The following NPAS3 variants were observed in gnomAD, a reference collection of about 807,000 sequenced individuals.
The protein encoded by NPAS3 is neuronal PAS domain-containing protein 3.
In NPAS3, 14 loss-of-function variants were observed where a neutral mutation model predicts 73.1. The ratio of observed to expected loss-of-function variants is 0.19; its 90% CI spans 0.13 to 0.30. NPAS3 has a LOEUF of 0.30. Among genes scored for constraint, NPAS3 ranks in the 10% least tolerant of loss-of-function variants. NPAS3 has a pLI of 1.00. For synonymous variants in NPAS3, 620 were observed against 541.5 expected (o/e 1.14, Z -2.01); for missense variants, 1,096 against 1,250.0 (o/e 0.88, Z 1.86).
chr14:33,293,003 G>T (rs1407148134), intron 3 of NPAS3, among the ~76,000 whole-genome samples: 1 of 152,128 alleles, frequency 6.6e-6, no homozygotes, highest in East Asian at 1.9e-4. Context: ...TGTTAAATGA[G>T]TGTTTGGATT....
intron 5 of NPAS3, chr14:33,578,441 G>T (rs939084022): frequency 2.9e-6 from 1 of 343,636 alleles, no homozygotes. Flanking sequence ...TGATCTGCCC[G>T]CCTCAGCCTC....
At chr14:33,021,043 C>A (rs1000002420) in intron 1 of NPAS3, among the ~76,000 whole-genome samples, 1 of 152,160 alleles carries the variant, frequency 6.6e-6, no homozygotes, top group Non-Finnish European at 1.5e-5. Context: ...GCATTACAGG[C>A]GTGAGCCACT....
chr14:33,674,567 C>T (rs746412130), intron 5 of NPAS3, among the ~76,000 whole-genome samples: 2 of 152,150 alleles, frequency 1.3e-5, no homozygotes, highest in Admixed American at 6.5e-5. Context: ...TGTAATCCCC[C>T]CCTCCCAGAG....
intron 6 of NPAS3, among the ~76,000 whole-genome samples, chr14:33,703,185 TTA>T (rs1343309121): frequency 1.3e-5 from 2 of 152,138 alleles, no homozygotes; most frequent in Non-Finnish European, 2.9e-5. Flanking sequence ...ATGAATAGCG[TTA>T]TGATATTAAA....
intron 5 of NPAS3, chr14:33,586,083 G>A (rs924659774): frequency 1.3e-4 from 19 of 151,908 alleles, no homozygotes; most frequent in African/African-American, 3.9e-4. Context: ...TATCTGTTAA[G>A]AGACAATCAT....
chr14:33,261,974 C>A (rs2048992271), intron 3 of NPAS3, among the ~76,000 whole-genome samples: 1 of 152,276 alleles, frequency 6.6e-6, no homozygotes, highest in East Asian at 1.9e-4. Flanking sequence ...GCAGGAGGTA[C>A]AGCTCATCTA....
intron 4 of NPAS3, among the ~76,000 whole-genome samples, chr14:33,441,995 A>G (rs7150516): frequency 0.1 from 15,562 of 152,222 alleles, 1,658 homozygotes; most frequent in African/African-American, 0.27. Context: ...TGGTGGGGAC[A>G]CAGCCAAACC....
chr14:33,094,886 G>C (rs1372076294), intron 2 of NPAS3, among the ~76,000 whole-genome samples: 1 of 152,174 alleles, frequency 6.6e-6, no homozygotes, highest in African/African-American at 2.4e-5. Context: ...AAATCTTGGT[G>C]CTTCCATGTT....
In NPAS3 at chr14:33,522,007, C is replaced by T. The variant is rs191728074; in HGVS notation, c.469-38114C>T. On this transcript the variant is annotated intron_variant, in intron 4 of 11. Transcript: ENST00000356141. ...GGAAGCCTCTTGCTGCATTTCTGGA[C>T]GGGTTACTCTTGTAGAAGGTTTATT... is the stretch of plus-strand genomic sequence containing the variant. Among the ~76,000 whole-genome samples the T allele has an allele frequency of 1.6e-3, 237 of 152,140 alleles. 2 individuals are homozygous for T. Among genetic ancestry groups the T allele is most frequent in the African/African-American group, 5.2e-3 (215 of 41,514 alleles).
intron 2 of NPAS3, among the ~76,000 whole-genome samples, chr14:33,119,677 A>G (rs2043172238): frequency 6.6e-6 from 1 of 152,096 alleles, no homozygotes; most frequent in African/African-American, 2.4e-5. Flanking sequence ...AAAATGATGA[A>G]AGGAAAACTT....
At chr14:33,695,081 A>C (rs1022233563) in intron 6 of NPAS3, among the ~76,000 whole-genome samples, 10 of 152,192 alleles carry the variant, frequency 6.6e-5, no homozygotes, top group Non-Finnish European at 1.2e-4. Context: ...ACAAAAGGTT[A>C]CTTCTTGTCC....
intron 5 of NPAS3, among the ~76,000 whole-genome samples, chr14:33,632,318 G>A (rs982988785): frequency 6.6e-6 from 1 of 152,138 alleles, no homozygotes; most frequent in Admixed American, 6.5e-5. Context: ...GGATGTCTGG[G>A]TTGGGGCCTG....
chr14:33,121,287 C>G (rs955461119), intron 2 of NPAS3, among the ~76,000 whole-genome samples: 3 of 152,158 alleles, frequency 2.0e-5, no homozygotes. Context: ...ACTTGACGAA[C>G]CAGTTCCTAC....
At chr14:33,076,301 G>C (rs2041656481) in intron 2 of NPAS3, among the ~76,000 whole-genome samples, 1 of 152,172 alleles carries the variant, frequency 6.6e-6, no homozygotes, top group African/African-American at 2.4e-5. Flanking sequence ...GCCACCTAGA[G>C]CCCTTGGGCA....
chr14:33,435,415 T>G (rs1451927541), intron 4 of NPAS3, among the ~76,000 whole-genome samples: 1 of 152,230 alleles, frequency 6.6e-6, no homozygotes, highest in East Asian at 1.9e-4. Flanking sequence ...GGGATCATCC[T>G]GTACATAAAA....
At chr14:33,545,410 CTTTT>C (rs2054795530) in intron 4 of NPAS3, among the ~76,000 whole-genome samples, 1 of 152,160 alleles carries the variant, frequency 6.6e-6, no homozygotes, top group East Asian at 1.9e-4. Flanking sequence ...TACGATGACA[CTTTT>C]ACGTGTGTTA....
intron 1 of NPAS3, among the ~76,000 whole-genome samples, chr14:32,970,736 G>T (rs555270367): frequency 6.6e-6 from 1 of 152,114 alleles, no homozygotes; most frequent in Non-Finnish European, 1.5e-5. Flanking sequence ...AGCACTCCTT[G>T]GCTTCTTGAT....
chr14:33,158,884 C>T (rs779888422), intron 2 of NPAS3, among the ~76,000 whole-genome samples: 4 of 152,250 alleles, frequency 2.6e-5, no homozygotes, highest in South Asian at 2.1e-4. Flanking sequence ...AATTACTGGC[C>T]GGGCGCAGTG....
intron 1 of NPAS3, among the ~76,000 whole-genome samples, chr14:32,978,725 T>C (rs2037785994): frequency 6.6e-6 from 1 of 152,232 alleles, no homozygotes. Flanking sequence ...CTCAGTTTAC[T>C]CCTTTCAGAA....
Sources: gnomAD v4.1 joint callset for allele counts (sites outside exome capture counted in the v4.1 genomes callset) on GRCh38, gnomAD v4.1.1 for gene constraint, MANE v1.5 for transcripts, NCBI Gene and HGNC (gene_info 2026-07-23, HGNC 2026-07-21) for gene names.